HSD17B7: variants seen among roughly 807,000 people sequenced by gnomAD.
HSD17B7 encodes 3-keto-steroid reductase/17-beta-hydroxysteroid dehydrogenase 7.
In HSD17B7, 17 loss-of-function variants were observed where a neutral mutation model predicts 34.1. The ratio of observed to expected loss-of-function variants is 0.50; its 90% CI spans 0.34 to 0.75. HSD17B7 has a LOEUF of 0.75. Among genes scored for constraint, HSD17B7 ranks in the 30% least tolerant of loss-of-function variants. The pLI is 0.01. For missense variants in HSD17B7, 296 were observed against 406.6 expected, an observed-to-expected ratio of 0.73 and a Z score of 2.34; for synonymous variants, 122 against 154.6, an observed-to-expected ratio of 0.79 and a Z score of 1.56.
intron 8 of HSD17B7, among the ~76,000 whole-genome samples, chr1:162,809,529 G>C (rs1040533054): frequency 6.7e-6 from 1 of 149,822 alleles, no homozygotes; most frequent in Non-Finnish European, 1.5e-5. Flanking sequence ...GATTGGAATA[G>C]TTTCAGAAGG....
At chr1:162,796,484 T>A in intron 2 of HSD17B7, 101 bp from the exon 3 acceptor site, 1 of 679,984 alleles carries the variant, frequency 1.5e-6, no homozygotes, top group South Asian at 2.1e-5. Context: ...TTTGTCTTTC[T>A]TAGGCCTCCT....
chr1:162,796,629 C>A lies in HSD17B7; in HGVS notation c.284C>A (p.Pro95His). The A allele has an allele frequency of 6.2e-7, 1 of 1,612,636 alleles. No homozygotes were observed. The highest frequency in any genetic ancestry group is 8.5e-7 in the Non-Finnish European group (1 of 1,178,762). The change falls in exon 3 of 9, where the codon CCT becomes CAT. Residue 95 changes from proline to histidine, a missense_variant. By Grantham distance (77) the Pro-to-His change is moderately conservative (BLOSUM62 -2). Transcript: ENST00000254521. Reference sequence around the variant, plus strand: ...ATATATCTAAATGCTGGGATCATGCCTAATCCACAACTAAATATCAAAGCA... The same window carrying A: ...ATATATCTAAATGCTGGGATCATGCATAATCCACAACTAAATATCAAAGCA... ...DCIYLNAGIM[P>H]NPQLNIKALF...
chr1:162,805,495 A>G lies in HSD17B7; in HGVS notation c.903+3A>G. The G allele has an allele frequency of 6.2e-7, 1 of 1,612,316 alleles. No homozygotes were observed. Among genetic ancestry groups the G allele is most frequent in the Non-Finnish European group, 8.5e-7 (1 of 1,178,902 alleles). ...GAAATTACATTATGACCCAGAAGGT[A>G]AATGTGCTTACATTGTTGCACTGAT... is the stretch of plus-strand genomic sequence containing the variant. On this transcript the variant is annotated splice_donor_region_variant and intron_variant, in intron 8 of 8. Transcript: ENST00000254521.
At chr1:162,791,054 C>T (rs1648388530) in intron 1 of HSD17B7, among the ~76,000 whole-genome samples, 1 of 151,316 alleles carries the variant, frequency 6.6e-6, no homozygotes, top group African/African-American at 2.4e-5. Flanking sequence ...ACTAGAGCAT[C>T]AGTAAGTGAT....
intron 8 of HSD17B7, among the ~76,000 whole-genome samples, chr1:162,807,681 TG>T (rs1649031882): frequency 6.6e-6 from 1 of 152,184 alleles, no homozygotes; most frequent in Non-Finnish European, 1.5e-5. Context: ...TGGTGTGAGA[TG>T]GTATCTCATT....
At chr1:162,801,187 G>A (rs896734575) in intron 5 of HSD17B7, among the ~76,000 whole-genome samples, 1 of 152,150 alleles carries the variant, frequency 6.6e-6, no homozygotes, top group African/African-American at 2.4e-5. Context: ...TGTTGGCCAA[G>A]CTGGTCTCGA....
At chr1:162,796,448 C>T (rs1570999080) in intron 2 of HSD17B7, 137 bp from the exon 3 acceptor site, 2 of 530,696 alleles carry the variant, frequency 3.8e-6, no homozygotes, top group East Asian at 5.9e-5. Flanking sequence ...CTTGCTGTGG[C>T]TAATATATTA....
At chr1:162,801,582 C>T (rs982571049) in intron 5 of HSD17B7, among the ~76,000 whole-genome samples, 5 of 152,104 alleles carry the variant, frequency 3.3e-5, no homozygotes, top group Non-Finnish European at 5.9e-5. Context: ...CCATGTGTAG[C>T]ATGTTCATAT....
In HSD17B7 at chr1:162,804,280, C is replaced by T. The variant is rs1648910711; in HGVS notation, c.761C>T (p.Ala254Val). ...MPAILLLRFF[A>V]NAFTLTPYNG... is the part of the protein sequence containing the mutation. ...TCTTTTCCGCAGCTTCGCTTTTTTG[C>T]AAATGCATTCACTTTGACACCATAT... The change falls in exon 7 of 9, where the codon GCA becomes GTA. Residue 254 changes from alanine to valine, a missense_variant. Coordinates refer to ENST00000254521, the MANE Select transcript of HSD17B7 (RefSeq NM_016371.4). 6 of 1,608,246 alleles carry T rather than the reference C, an allele frequency of 3.7e-6. No individual in the cohort carries two copies. Among genetic ancestry groups the T allele is most frequent in the Non-Finnish European group, 5.1e-6 (6 of 1,177,322 alleles).
chr1:162,807,735 C>G (rs1031039571), intron 8 of HSD17B7, among the ~76,000 whole-genome samples: 6 of 152,148 alleles, frequency 3.9e-5, no homozygotes, highest in African/African-American at 1.4e-4. Flanking sequence ...TGATGATGAG[C>G]ATTTTTTCAT....
intron 2 of HSD17B7, chr1:162,795,677 G>A (rs760652619): frequency 1.1e-5 from 5 of 446,336 alleles, no homozygotes; most frequent in East Asian, 6.9e-5. Context: ...TGTATTTCAG[G>A]GTCCTAAGTT....
At chr1:162,798,805 G>C (rs1648707947) in intron 4 of HSD17B7, 1 of 191,064 alleles carries the variant, frequency 5.2e-6, no homozygotes, top group Non-Finnish European at 1.1e-5. Flanking sequence ...AGATCAGCCT[G>C]ACCAACATGG....
chr1:162,803,995 A>G (rs1394891762), intron 6 of HSD17B7, among the ~76,000 whole-genome samples: 1 of 152,176 alleles, frequency 6.6e-6, no homozygotes, highest in Non-Finnish European at 1.5e-5. Flanking sequence ...CTTTTAGGAA[A>G]TGATTCTCTC....
At chr1:162,811,111 G>A (rs1430243648) in intron 8 of HSD17B7, among the ~76,000 whole-genome samples, 7 of 152,292 alleles carry the variant, frequency 4.6e-5, no homozygotes, top group African/African-American at 7.2e-5. Flanking sequence ...CATGTTTAGT[G>A]CTTCCTTCAG....
chr1:162,806,736 A>G (rs1039874), intron 8 of HSD17B7, among the ~76,000 whole-genome samples: 17,256 of 152,254 alleles, frequency 0.11, 1,607 homozygotes, highest in African/African-American at 0.25. Context: ...CTATTAACTT[A>G]GAAGGAATGA....
intron 8 of HSD17B7, among the ~76,000 whole-genome samples, chr1:162,808,633 T>C (rs1649070369): frequency 6.6e-6 from 1 of 152,250 alleles, no homozygotes; most frequent in Admixed American, 6.5e-5. Context: ...TTGTGTCCTC[T>C]TTTATTTCAT....
intron 8 of HSD17B7, among the ~76,000 whole-genome samples, chr1:162,808,616 C>T (rs925546155): frequency 6.6e-6 from 1 of 152,148 alleles, no homozygotes; most frequent in Admixed American, 6.5e-5. Context: ...AATGTTCTTC[C>T]ATTTGTTTGT....
At position 162,808,365 on chromosome 1, in the gene HSD17B7, C is replaced by T. The variant is rs1400234865; in HGVS notation, c.903+2873C>T. The stretch of plus-strand genomic sequence containing the variant: ...TACCAGTACCATGCTGTTTTGGTTA[C>T]TGTAGCCTTGTAGTATAGTTTGAAG... On this transcript the variant is annotated intron_variant, in intron 8 of 8. Coordinates refer to ENST00000254521, the MANE Select transcript of HSD17B7 (RefSeq NM_016371.4). Among the ~76,000 whole-genome samples the T allele has an allele frequency of 3.3e-5, 5 of 152,184 alleles. No individual in the cohort carries two copies. In the East Asian group the frequency reaches 5.8e-4, roughly 18 times the overall value.
At chr1:162,810,666 G>C (rs1214196195) in intron 8 of HSD17B7, among the ~76,000 whole-genome samples, 1 of 151,958 alleles carries the variant, frequency 6.6e-6, no homozygotes, top group African/African-American at 2.4e-5. Flanking sequence ...TAGATAGTTA[G>C]TTCTTCTTGT....
Sources: gnomAD v4.1 joint callset for allele counts (sites outside exome capture counted in the v4.1 genomes callset) on GRCh38, gnomAD v4.1.1 for gene constraint, MANE v1.5 for transcripts, NCBI Gene and HGNC (gene_info 2026-07-23, HGNC 2026-07-21) for gene names.